The following AHDC1 variants were observed in gnomAD, a reference collection of about 807,000 sequenced individuals.
AHDC1 encodes transcription factor Gibbin.
AHDC1 carries 7 observed loss-of-function variants against 87.9 expected under a neutral mutation model. The ratio of observed to expected loss-of-function variants is 0.08; its 90% CI spans 0.05 to 0.15. The LOEUF is 0.15. Among genes scored for constraint, AHDC1 ranks in the 10% least tolerant of loss-of-function variants. AHDC1 has a pLI of 1.00. For synonymous variants in AHDC1, 1,051 were observed against 1,006.8 expected (o/e 1.04, Z -0.83); for missense variants, 1,841 against 2,253.2 (o/e 0.82, Z 3.70).
intron 3 of AHDC1, among the ~76,000 whole-genome samples, chr1:27,573,563 T>C (rs1218569795): frequency 6.6e-6 from 1 of 152,172 alleles, no homozygotes; most frequent in Non-Finnish European, 1.5e-5. Context: ...CCCTGGAATC[T>C]GGGCCACATA....
In AHDC1 at chr1:27,563,978, G is replaced by C. The variant is rs2020211130; in HGVS notation, c.-628-5095C>G. ...GAGACTGCTTAGAGATCAGTGGGGAGTAGGGCGGTTAGGGGTTGCTATCAC... is the reference window on the plus strand; with the variant it reads ...GAGACTGCTTAGAGATCAGTGGGGACTAGGGCGGTTAGGGGTTGCTATCAC... On this transcript the variant is annotated intron_variant, in intron 3 of 8. Coordinates refer to ENST00000673934, the MANE Select transcript of AHDC1 (RefSeq NM_001371928.1). The surrounding 1 kb of genome is among the most constrained non-coding windows in gnomAD (Gnocchi z 6.1). Among the ~76,000 whole-genome samples, 1 of 152,194 alleles carries C rather than the reference G, an allele frequency of 6.6e-6. No homozygotes were observed. Among genetic ancestry groups the C allele is most frequent in the Admixed American group, 6.5e-5 (1 of 15,284 alleles).
At chr1:27,596,046 T>C (rs1396445035) in intron 3 of AHDC1, among the ~76,000 whole-genome samples, 1 of 151,770 alleles carries the variant, frequency 6.6e-6, no homozygotes, top group Admixed American at 6.6e-5. Flanking sequence ...AGAGAGGTGA[T>C]GGGGCTGCAG....
Position 27,590,700 on chromosome 1 carries a change from G to A in AHDC1, c.-629+12697C>T, listed in dbSNP as rs990514470. 3.9e-5 allele frequency among the ~76,000 whole-genome samples: 6 copies of A among 152,192 alleles called. No individual in the cohort carries two copies. Among genetic ancestry groups the A allele is most frequent in the African/African-American group, 1.4e-4 (6 of 41,442 alleles). On this transcript the variant is annotated intron_variant, in intron 3 of 8. Transcript: ENST00000673934. The surrounding 1 kb of genome is among the most constrained non-coding windows in gnomAD (Gnocchi z 5.4). ...AGAGGATTTAAGGTCCAAAGTTGGG[G>A]AAACTGAGGCAGTGAAGCCCTCCGC...
At position 27,604,096 on chromosome 1, in the gene AHDC1, CCCTG is replaced by C; in HGVS notation, c.-863+6_-863+9del. ...TCCCTCCCTCCGTCTCTCGCCCTCG[CCCTG>C]CCTGCCTGCCTCTCTCCGTCTCCGC... On this transcript the variant is annotated splice_donor_region_variant and intron_variant, in intron 1 of 8. Transcript: ENST00000673934. The C allele has an allele frequency of 1.9e-5, 3 of 156,638 alleles. No homozygotes were observed. The highest frequency in any genetic ancestry group is 2.8e-5 in the Non-Finnish European group (2 of 70,858). The allele number at this position is 156,638 out of a possible 1,614,324, so 9.7% of individuals were successfully genotyped here.
Position 27,549,260 on chromosome 1 carries a change from T to C in AHDC1, c.2856A>G (p.Ser952=). The C allele has an allele frequency of 6.2e-7, 1 of 1,604,154 alleles. No homozygotes were observed. Among genetic ancestry groups the C allele is most frequent in the Non-Finnish European group, 8.5e-7 (1 of 1,173,624 alleles). Residue 952 remains serine, a synonymous_variant, in exon 8 of 9, where the codon TCA becomes TCG. Coordinates refer to ENST00000673934, the MANE Select transcript of AHDC1 (RefSeq NM_001371928.1). ...ETFPKLVPPP[S]AMARSPTTHP... Reference sequence around the variant, plus strand: ...GGGTGGTAGGTGAGCGGGCCATGGCTGAGGGCGGGGGCACCAGCTTGGGGA... The same window carrying C: ...GGGTGGTAGGTGAGCGGGCCATGGCCGAGGGCGGGGGCACCAGCTTGGGGA...
Position 27,548,984 on chromosome 1 carries a change from G to A in AHDC1, c.3132C>T (p.Ala1044=). The A allele has an allele frequency of 1.9e-6, 3 of 1,564,842 alleles. No individual in the cohort carries two copies. The highest frequency in any genetic ancestry group is 2.6e-6 in the Non-Finnish European group (3 of 1,154,188). Residue 1044 remains alanine, a synonymous_variant, in exon 8 of 9, where the codon GCC becomes GCT. Coordinates refer to ENST00000673934, the MANE Select transcript of AHDC1 (RefSeq NM_001371928.1). Reference sequence around the variant, plus strand: ...GCGTGGGGGCTGAACCAGAGAAGGGGGCCCCCTCAGAGCTGCTGAAGAAGG... The same window carrying A: ...GCGTGGGGGCTGAACCAGAGAAGGGAGCCCCCTCAGAGCTGCTGAAGAAGG... ...KASFFSSSEG[A]PFSGSAPTPL... is the part of the protein sequence containing the mutation.
intron 3 of AHDC1, among the ~76,000 whole-genome samples, chr1:27,594,238 T>C (rs1235919838): frequency 2.0e-5 from 3 of 152,094 alleles, no homozygotes; most frequent in South Asian, 2.1e-4. Flanking sequence ...CAGCCTGGAT[T>C]TGGGGGTGGG....
intron 3 of AHDC1, among the ~76,000 whole-genome samples, chr1:27,575,868 G>C (rs1252794082): frequency 1.3e-5 from 2 of 149,928 alleles, no homozygotes; most frequent in Non-Finnish European, 3.0e-5. Context: ...CCGCCAGGCC[G>C]GGCCCTCTGC....
rs545520026 is a variant in AHDC1 at position 27,593,389 on chromosome 1, G to C, written c.-629+10008C>G. Among the ~76,000 whole-genome samples the C allele has an allele frequency of 6.6e-6, 1 of 152,338 alleles. No homozygotes were observed. The highest frequency in any genetic ancestry group is 2.4e-5 in the African/African-American group (1 of 41,576). On this transcript the variant is annotated intron_variant, in intron 3 of 8. Coordinates refer to ENST00000673934, the MANE Select transcript of AHDC1 (RefSeq NM_001371928.1). This position sits in a 1 kb window ranked among gnomAD's most constrained non-coding sequence, Gnocchi z 4.9. ...TGAATGCCCCAGAGTCTACCGCAGT[G>C]TGCCCACTGCTGCCGCCACCACTAC...
intron 3 of AHDC1, among the ~76,000 whole-genome samples, chr1:27,574,567 T>C (rs1011466479): frequency 5.3e-5 from 8 of 152,140 alleles, no homozygotes; most frequent in African/African-American, 1.9e-4. Flanking sequence ...AGGTGAAGCG[T>C]GCCTATCCCG....
intron 8 of AHDC1, among the ~76,000 whole-genome samples, chr1:27,544,982 T>C (rs113576177): frequency 0.06 from 9,135 of 152,160 alleles, 362 homozygotes; most frequent in Middle Eastern, 0.11. Flanking sequence ...TGCCTTCCCA[T>C]AGGCAGTTTC....
chr1:27,588,992 TGAG>T (rs2089147855), intron 3 of AHDC1, among the ~76,000 whole-genome samples: 1 of 151,876 alleles, frequency 6.6e-6, no homozygotes, highest in South Asian at 2.1e-4. Flanking sequence ...AACATGTGCA[TGAG>T]GAGATGGTGT....
chr1:27,536,619 G>T (rs1312081325), intron 8 of AHDC1, among the ~76,000 whole-genome samples: 1 of 152,116 alleles, frequency 6.6e-6, no homozygotes, highest in Non-Finnish European at 1.5e-5. Context: ...TTTTATCTGG[G>T]GTAACTGCTT....
chr1:27,547,560 A>C lies in AHDC1; in HGVS notation c.4556T>G (p.Leu1519Arg), dbSNP rs754664247. 2 of 1,610,996 alleles carry C rather than the reference A, an allele frequency of 1.2e-6. No individual in the cohort carries two copies. The highest frequency in any genetic ancestry group is 1.7e-6 in the Non-Finnish European group (2 of 1,179,068). The part of the protein sequence containing the change: ...PATPKADKEP[L>R]EMARPPGPPR... ...TGGGCCAGGGGGCCGGGCCATTTCC[A>C]GTGGCTCCTTGTCGGCCTTGGGCGT... is the stretch of plus-strand genomic sequence containing the variant. The change falls in exon 8 of 9, where the codon CTG becomes CGG. Residue 1519 changes from leucine to arginine, a missense_variant. Around this residue, in one of 13 missense-constraint regions of AHDC1, gnomAD observed 505 missense variants for 626.2 expected, o/e 0.81. Coordinates refer to ENST00000673934, the MANE Select transcript of AHDC1 (RefSeq NM_001371928.1). The surrounding 1 kb of genome is among the most constrained non-coding windows in gnomAD (Gnocchi z 4.9).
At chr1:27,594,977 G>A (rs906835103) in intron 3 of AHDC1, among the ~76,000 whole-genome samples, 3 of 152,008 alleles carry the variant, frequency 2.0e-5, no homozygotes, top group Non-Finnish European at 2.9e-5. Flanking sequence ...GAAAAGTACC[G>A]GAGCTGAGAC....
In AHDC1 at chr1:27,548,913, T is replaced by C. The variant is rs758197786; in HGVS notation, c.3203A>G (p.Tyr1068Cys). 2 of 1,604,288 alleles carry C rather than the reference T, an allele frequency of 1.2e-6. No individual in the cohort carries two copies. Among genetic ancestry groups the C allele is most frequent in the South Asian group, 2.2e-5 (2 of 90,366 alleles). Residue 1068 changes from tyrosine (Y) to cysteine (C), a missense_variant, in exon 8 of 9, where the codon TAC becomes TGC. Coordinates refer to ENST00000673934, the MANE Select transcript of AHDC1 (RefSeq NM_001371928.1). ...SRASTVSPGG[Y>C]MVPKGTTASA... ...GGCTGTGGTGCCCTTGGGTACCATG[T>C]AGCCACCGGGCGAGACTGTGCTGGC...
rs762446869 is a variant in AHDC1, at chr1:27,549,001, TGAA to T, written c.3112_3114del (p.Phe1038del). ...GAGAAGGGGGCCCCCTCAGAGCTGC[TGAA>T]GAAGGAGGCCTTGCTTGGTGGCAGG... On this transcript the variant is annotated inframe_deletion, in exon 8 of 9. Transcript: ENST00000673934. The T allele has an allele frequency of 1.3e-5, 21 of 1,572,586 alleles. No homozygotes were observed. The highest frequency in any genetic ancestry group is 1.7e-4 in the Middle Eastern group (1 of 5,850).
chr1:27,588,080 T>C (rs1038952489), intron 3 of AHDC1, among the ~76,000 whole-genome samples: 4 of 152,336 alleles, frequency 2.6e-5, no homozygotes, highest in African/African-American at 4.8e-5. Context: ...GAGCATGGCA[T>C]CTGCACGCCG....
chr1:27,575,847 T>C (rs1016845532), intron 3 of AHDC1, among the ~76,000 whole-genome samples: 1 of 133,294 alleles, frequency 7.5e-6, no homozygotes, highest in Non-Finnish European at 1.6e-5. Flanking sequence ...GGCTTTTTCC[T>C]GGCCCCCGGC....
Sources: gnomAD v4.1 joint callset for allele counts (sites outside exome capture counted in the v4.1 genomes callset) on GRCh38, gnomAD v4.1.1 for gene constraint, gnomAD v4.1.1 regional missense constraint, Gnocchi (gnomAD v3.1) non-coding constraint, MANE v1.5 for transcripts, NCBI Gene and HGNC (gene_info 2026-07-23, HGNC 2026-07-21) for gene names.